FHIT: variants seen among roughly 807,000 people sequenced by gnomAD.
FHIT encodes fragile histidine triad diadenosine triphosphatase.
A neutral mutation model predicts 17.9 loss-of-function variants in FHIT; 19 were observed. The ratio of observed to expected loss-of-function variants is 1.06; its 90% confidence interval spans 0.74 to 1.56. The LOEUF (loss-of-function observed/expected upper bound fraction) is 1.56, where lower values mean the gene tolerates loss of function less well. Among genes scored for constraint, FHIT ranks in the 40% most tolerant of loss-of-function variants. FHIT has a pLI of 0.00. For missense variants in FHIT, 248 were observed against 189.2 expected, an observed-to-expected ratio of 1.31 and a Z score of -1.82; for synonymous variants, 81 against 69.7, an observed-to-expected ratio of 1.16 and a Z score of -0.81.
chr3:60,028,421 A>G (rs1468843729), intron 5 of FHIT, among the ~76,000 whole-genome samples: 2 of 152,228 alleles, frequency 1.3e-5, no homozygotes, highest in Non-Finnish European at 2.9e-5. Context: ...ATAGATGTGC[A>G]TGATGATCAG....
intron 3 of FHIT, among the ~76,000 whole-genome samples, chr3:60,859,158 T>A (rs1357953078): frequency 6.6e-6 from 1 of 152,130 alleles, no homozygotes; most frequent in African/African-American, 2.4e-5. Context: ...TCAATTCCTA[T>A]CCCAATAGGA....
chr3:60,695,959 G>A (rs1374138348), intron 4 of FHIT, among the ~76,000 whole-genome samples: 1 of 152,190 alleles, frequency 6.6e-6, no homozygotes, highest in African/African-American at 2.4e-5. Flanking sequence ...CTGTGATTAT[G>A]GAAAACCAAG....
intron 3 of FHIT, among the ~76,000 whole-genome samples, chr3:61,005,237 T>G (rs529324161): frequency 6.6e-6 from 1 of 152,226 alleles, no homozygotes; most frequent in Non-Finnish European, 1.5e-5. Flanking sequence ...GACTTCTCCA[T>G]TATTTTATGT....
chr3:60,611,335 G>A (rs989186121), intron 4 of FHIT, among the ~76,000 whole-genome samples: 17 of 152,080 alleles, frequency 1.1e-4, no homozygotes, highest in African/African-American at 3.9e-4. Flanking sequence ...AGCTAACATC[G>A]AGCCAAGTAT....
intron 5 of FHIT, among the ~76,000 whole-genome samples, chr3:60,067,156 T>C (rs905717129): frequency 3.3e-5 from 5 of 152,182 alleles, no homozygotes; most frequent in African/African-American, 1.2e-4. Context: ...GAGTCTCTAT[T>C]CCTTTGCTCA....
At chr3:60,794,020 G>A (rs542407938) in intron 4 of FHIT, among the ~76,000 whole-genome samples, 1 of 152,156 alleles carries the variant, frequency 6.6e-6, no homozygotes, top group South Asian at 2.1e-4. Flanking sequence ...CAAAATGAGG[G>A]TAGAATAAGG....
intron 5 of FHIT, among the ~76,000 whole-genome samples, chr3:60,159,551 T>C (rs541500205): frequency 2.0e-5 from 3 of 152,298 alleles, no homozygotes; most frequent in Admixed American, 6.5e-5. Context: ...CACAATACGT[T>C]AAAAAGCACA....
intron 3 of FHIT, among the ~76,000 whole-genome samples, chr3:60,857,654 G>A (rs1703444499): frequency 6.6e-6 from 1 of 152,166 alleles, no homozygotes; most frequent in African/African-American, 2.4e-5. Flanking sequence ...ACTGCTCCTG[G>A]GCCTGGTGGC....
At chr3:60,575,202 T>C (rs1232714016) in intron 4 of FHIT, among the ~76,000 whole-genome samples, 1 of 152,078 alleles carries the variant, frequency 6.6e-6, no homozygotes, top group Non-Finnish European at 1.5e-5. Context: ...AGTAGGTTGA[T>C]AGCAAGCTAG....
intron 7 of FHIT, among the ~76,000 whole-genome samples, chr3:59,982,627 C>T (rs802775): frequency 0.26 from 39,779 of 152,096 alleles, 5,421 homozygotes; most frequent in East Asian, 0.38. Context: ...GCTCAATTTC[C>T]GGTATATGCC....
chr3:60,536,776 G>T (rs1007533546), intron 5 of FHIT, 84 bp downstream of exon 5: 12 of 1,405,794 alleles, frequency 8.5e-6, no homozygotes, highest in Non-Finnish European at 8.5e-6. Flanking sequence ...CAGACTGGAG[G>T]CCAATCTTGT....
chr3:61,025,137 T>G (rs2032666234), intron 3 of FHIT, among the ~76,000 whole-genome samples: 1 of 152,218 alleles, frequency 6.6e-6, no homozygotes, highest in Admixed American at 6.5e-5. Context: ...AAAACATTTC[T>G]TTCAGAATAA....
intron 7 of FHIT, among the ~76,000 whole-genome samples, chr3:59,979,735 T>C (rs1485978397): frequency 6.6e-6 from 1 of 152,130 alleles, no homozygotes; most frequent in African/African-American, 2.4e-5. Flanking sequence ...GTTTGGTCGC[T>C]ATACTCCCAC....
intron 5 of FHIT, among the ~76,000 whole-genome samples, chr3:60,389,224 C>G (rs1701129389): frequency 6.6e-6 from 1 of 152,124 alleles, no homozygotes; most frequent in African/African-American, 2.4e-5. Context: ...GTTAGAAACT[C>G]TGGAGCAAGG....
chr3:60,470,050 C>CTCTT (rs1553780548), intron 5 of FHIT, among the ~76,000 whole-genome samples: 2 of 122,214 alleles, frequency 1.6e-5, no homozygotes, highest in Non-Finnish European at 3.2e-5. Context: ...CCTCTCCTCT[C>CTCTT]TCTTTCTTTC....
intron 4 of FHIT, among the ~76,000 whole-genome samples, chr3:60,749,177 C>T (rs1172294406): frequency 6.6e-6 from 1 of 152,088 alleles, no homozygotes; most frequent in Non-Finnish European, 1.5e-5. Context: ...TAAAACTCCC[C>T]CAGAGAGGAT....
chr3:60,028,974 C>T (rs915315184), intron 5 of FHIT, among the ~76,000 whole-genome samples: 1 of 152,086 alleles, frequency 6.6e-6, no homozygotes, highest in African/African-American at 2.4e-5. Context: ...AAAAGATGCC[C>T]CATCTGTACT....
intron 3 of FHIT, among the ~76,000 whole-genome samples, chr3:60,886,288 C>A (rs1705219204): frequency 6.6e-6 from 1 of 152,192 alleles, no homozygotes; most frequent in South Asian, 2.1e-4. Context: ...ATCCAAATTA[C>A]AAGCATTGAA....
chr3:60,097,177 C>T (rs185558115), intron 5 of FHIT, among the ~76,000 whole-genome samples: 2 of 152,076 alleles, frequency 1.3e-5, no homozygotes, highest in East Asian at 1.9e-4. Flanking sequence ...AGTTATTACA[C>T]CCAACTTGGA....
Sources: gnomAD v4.1 joint callset for allele counts (sites outside exome capture counted in the v4.1 genomes callset) on GRCh38, gnomAD v4.1.1 for gene constraint, MANE v1.5 for transcripts, NCBI Gene and HGNC (gene_info 2026-07-23, HGNC 2026-07-21) for gene names.